POLR2C: variants seen among roughly 807,000 people sequenced by gnomAD.
The protein encoded by POLR2C is RNA polymerase II subunit C.
In POLR2C, 36 loss-of-function variants were observed where a neutral mutation model predicts 41.7. The observed-to-expected ratio is 0.86, with a 90% CI of 0.66 to 1.14. The LOEUF is 1.14. Ranked by LOEUF, POLR2C falls within the 50% of genes most tolerant of loss-of-function variation. POLR2C has a pLI of 0.00. For synonymous variants in POLR2C, 133 were observed against 137.8 expected (o/e 0.96, Z 0.25); for missense variants, 260 against 350.4 (o/e 0.74, Z 2.06).
rs1307845586 is a variant in POLR2C, at chr16:57,466,295, C to G, written c.258+68C>G. 27 of 1,040,146 alleles carry G rather than the reference C, an allele frequency of 2.6e-5. No individual in the cohort carries two copies. In the Admixed American group the frequency reaches 6.2e-4, roughly 24 times the overall value. The allele number at this position is 1,040,146 out of a possible 1,614,324, so 64.4% of individuals were successfully genotyped here. A position where few individuals can be genotyped will look rare whatever the true frequency, so the allele number is the denominator to read the frequency against. ...GCTTTGGTTCTCAAAGGGATTTTTC[C>G]TGACATTTGGCATCCAGCTTGAATA... On this transcript the variant is annotated intron_variant, in intron 4 of 8. Coordinates refer to ENST00000219252, the MANE Select transcript of POLR2C (RefSeq NM_032940.3).
At chr16:57,463,772 G>A (rs1304430333) in intron 2 of POLR2C, 2 of 362,066 alleles carry the variant, frequency 5.5e-6, no homozygotes, top group South Asian at 3.9e-5. Flanking sequence ...GGGAAAGCCC[G>A]CCTCTACTAA....
In POLR2C at chr16:57,469,079, C is replaced by A; in HGVS notation, c.259-86C>A. Reference sequence around the variant, plus strand: ...AGGTGAAGAAACTTAAGGAACTGGGCATTAGATGCAGGAAGCCAAGACAAG... The same window carrying A: ...AGGTGAAGAAACTTAAGGAACTGGGAATTAGATGCAGGAAGCCAAGACAAG... On this transcript the variant is annotated intron_variant, in intron 4 of 8. Transcript: ENST00000219252. The surrounding 1 kb of genome is among the most constrained non-coding windows in gnomAD (Gnocchi z 5.8). 7.4e-7 allele frequency: 1 copy of A among 1,348,368 alleles called. No individual in the cohort carries two copies. Among genetic ancestry groups the A allele is most frequent in the Non-Finnish European group, 1.0e-6 (1 of 957,340 alleles). 83.5% of individuals were successfully genotyped at this position (1,348,368 alleles called of 1,614,324 possible). A position where few individuals can be genotyped will look rare whatever the true frequency, so the allele number is the denominator to read the frequency against.
chr16:57,462,898 G>A, intron 1 of POLR2C, 88 bp downstream of exon 1: 1 of 1,181,094 alleles, frequency 8.5e-7, no homozygotes, highest in Non-Finnish European at 1.2e-6. Flanking sequence ...GGGTGTAGTG[G>A]GGTGGGGTGG....
At chr16:57,464,413 C>G (rs774918802) in intron 2 of POLR2C, among the ~76,000 whole-genome samples, 3 of 152,152 alleles carry the variant, frequency 2.0e-5, no homozygotes, top group Non-Finnish European at 2.9e-5. Flanking sequence ...CTGTGGTGCA[C>G]TTGGCTCTTA....
chr16:57,466,090 C>G, intron 3 of POLR2C, 69 bp downstream of exon 3: 1 of 1,412,568 alleles, frequency 7.1e-7, no homozygotes, highest in Non-Finnish European at 1.0e-6. Context: ...GGGCCTCCTT[C>G]CAGCCTCACC....
At chr16:57,466,103 C>T in intron 3 of POLR2C, 72 bp from the exon 4 acceptor site, 5 of 1,450,522 alleles carry the variant, frequency 3.4e-6, no homozygotes, top group Non-Finnish European at 4.8e-6. Flanking sequence ...GCCTCACCCC[C>T]AGAAGGCTTC....
chr16:57,463,901 C>T, intron 2 of POLR2C: 2 of 277,124 alleles, frequency 7.2e-6, no homozygotes, highest in South Asian at 5.8e-5. Context: ...GATCATGCCA[C>T]TGCACTCTGG....
Position 57,469,939 on chromosome 16 carries a change from T to A in POLR2C, c.440-22T>A, listed in dbSNP as rs199976557. 6.2e-7 allele frequency: 1 copy of A among 1,609,666 alleles called. No individual in the cohort carries two copies. Among genetic ancestry groups the A allele is most frequent in the Non-Finnish European group, 8.5e-7 (1 of 1,178,460 alleles). ...AAGCATGTCTCTCCTGGCCCTTGAC[T>A]GACTTGTGCCTCTCCCTGCAGACAT... On this transcript the variant is annotated intron_variant, in intron 6 of 8. Coordinates refer to ENST00000219252, the MANE Select transcript of POLR2C (RefSeq NM_032940.3). The surrounding 1 kb of genome is among the most constrained non-coding windows in gnomAD (Gnocchi z 5.8).
chr16:57,462,721 C>T lies in POLR2C; in HGVS notation c.-4C>T, dbSNP rs771108916. 12 of 1,592,522 alleles carry T rather than the reference C, an allele frequency of 7.5e-6. No individual in the cohort carries two copies. The highest frequency in any genetic ancestry group is 1.7e-4 in the Middle Eastern group (1 of 5,910). The stretch of plus-strand genomic sequence containing the variant: ...GACGCGGAGGCTGGTGGCCCCTGGG[C>T]GAGATGCCGTACGCCAACCAGCCTA... On this transcript the variant is annotated 5_prime_UTR_variant, in exon 1 of 9. Coordinates refer to ENST00000219252, the MANE Select transcript of POLR2C (RefSeq NM_032940.3).
intron 7 of POLR2C, 58 bp downstream of exon 7, chr16:57,470,187 CTGT>C (rs2030797079): frequency 8.2e-6 from 13 of 1,593,596 alleles, no homozygotes; most frequent in African/African-American, 1.4e-5. Context: ...ATAGAAATGG[CTGT>C]TGTTGACTGA....
At chr16:57,463,379 A>G in intron 2 of POLR2C, 3 of 538,394 alleles carry the variant, frequency 5.6e-6, no homozygotes, top group Non-Finnish European at 1.0e-5. Context: ...AAAAGTTTTT[A>G]AAATGTTTTC....
In POLR2C at chr16:57,469,440, C is replaced by G; in HGVS notation, c.387+147C>G. ...AATCTGATCCCTAGAAGTGCTAATTCTGGATTCCTCTTGGGCATCGTTAGC... is the reference window on the plus strand; with the variant it reads ...AATCTGATCCCTAGAAGTGCTAATTGTGGATTCCTCTTGGGCATCGTTAGC... On this transcript the variant is annotated intron_variant, in intron 5 of 8. Transcript: ENST00000219252. The surrounding 1 kb of genome is among the most constrained non-coding windows in gnomAD (Gnocchi z 5.8). The G allele has an allele frequency of 1.1e-6, 1 of 899,844 alleles. No homozygotes were observed. The highest frequency in any genetic ancestry group is 1.6e-5 in the African/African-American group (1 of 60,776). The allele number at this position is 899,844 out of a possible 1,614,324, so 55.7% of individuals were successfully genotyped here.
At chr16:57,462,899 GGTGGGGTGGGGGCGATGTCC>G in intron 1 of POLR2C, 89 bp downstream of exon 1, 2 of 1,184,774 alleles carry the variant, frequency 1.7e-6, no homozygotes, top group African/African-American at 3.1e-5. Flanking sequence ...GGTGTAGTGG[GGTGGGGTGGGGGCGATGTCC>G]TTCCAGAGCT....
chr16:57,467,425 C>T (rs531847163), intron 4 of POLR2C, among the ~76,000 whole-genome samples: 4 of 152,216 alleles, frequency 2.6e-5, no homozygotes, highest in Non-Finnish European at 2.9e-5. Context: ...AGCAATTTGG[C>T]GATATCTTAC....
Position 57,462,708 on chromosome 16 carries a change from G to T in POLR2C, c.-17G>T. ...TCACCGCGGAGCAGACGCGGAGGCTGGTGGCCCCTGGGCGAGATGCCGTAC... is the reference window on the plus strand; with the variant it reads ...TCACCGCGGAGCAGACGCGGAGGCTTGTGGCCCCTGGGCGAGATGCCGTAC... On this transcript the variant is annotated 5_prime_UTR_variant, in exon 1 of 9. Coordinates refer to ENST00000219252, the MANE Select transcript of POLR2C (RefSeq NM_032940.3). The T allele has an allele frequency of 6.3e-7, 1 of 1,578,156 alleles. No homozygotes were observed. The highest frequency in any genetic ancestry group is 8.6e-7 in the Non-Finnish European group (1 of 1,160,712).
At position 57,469,579 on chromosome 16, in the gene POLR2C, C is replaced by T; in HGVS notation, c.388-131C>T. The stretch of plus-strand genomic sequence containing the variant: ...GTGGGGGTTGGAGTCCTGGGGGCAT[C>T]TGTGCCACCACCTCGTCAGGTGTTC... On this transcript the variant is annotated intron_variant, in intron 5 of 8. Coordinates refer to ENST00000219252, the MANE Select transcript of POLR2C (RefSeq NM_032940.3). This position sits in a 1 kb window ranked among gnomAD's most constrained non-coding sequence, Gnocchi z 5.8. 2.4e-6 allele frequency: 2 copies of T among 837,516 alleles called. No individual in the cohort carries two copies. Among genetic ancestry groups the T allele is most frequent in the Non-Finnish European group, 4.1e-6 (2 of 492,918 alleles). The allele number at this position is 837,516 out of a possible 1,614,324, so 51.9% of individuals were successfully genotyped here.
chr16:57,469,456 C>A lies in POLR2C; in HGVS notation c.387+163C>A. ...GTGCTAATTCTGGATTCCTCTTGGG[C>A]ATCGTTAGCATCGTTGGTGCTGCGC... is the stretch of plus-strand genomic sequence containing the variant. On this transcript the variant is annotated intron_variant, in intron 5 of 8. Coordinates refer to ENST00000219252, the MANE Select transcript of POLR2C (RefSeq NM_032940.3). This position sits in a 1 kb window ranked among gnomAD's most constrained non-coding sequence, Gnocchi z 5.8. The A allele has an allele frequency of 1.3e-6, 1 of 789,372 alleles. No homozygotes were observed. The highest frequency in any genetic ancestry group is 2.1e-6 in the Non-Finnish European group (1 of 468,980). The allele number at this position is 789,372 out of a possible 1,614,324, so 48.9% of individuals were successfully genotyped here.
chr16:57,463,531 C>T, intron 2 of POLR2C: 1 of 389,914 alleles, frequency 2.6e-6, no homozygotes, highest in South Asian at 1.9e-5. Context: ...TCACCCCTAG[C>T]CCCACTGCCT....
intron 2 of POLR2C, chr16:57,464,126 G>A (rs1267546676): frequency 6.5e-6 from 1 of 154,436 alleles, no homozygotes; most frequent in Non-Finnish European, 1.4e-5. Context: ...ATCCTTATCA[G>A]GGTAATGTTA....
Sources: gnomAD v4.1 joint callset for allele counts (sites outside exome capture counted in the v4.1 genomes callset) on GRCh38, gnomAD v4.1.1 for gene constraint, Gnocchi (gnomAD v3.1) non-coding constraint, MANE v1.5 for transcripts, NCBI Gene and HGNC (gene_info 2026-07-23, HGNC 2026-07-21) for gene names.